FMN2: variants seen among roughly 807,000 people sequenced by gnomAD.
FMN2 encodes formin 2, also known as formin-2.
A neutral mutation model predicts 142.3 loss-of-function variants in FMN2; 51 were observed. The ratio of observed to expected loss-of-function variants is 0.36; its 90% confidence interval spans 0.29 to 0.45. FMN2 has a LOEUF of 0.45. FMN2 is among the 20% of genes least tolerant of loss of function. The pLI, the probability that FMN2 is intolerant of heterozygous loss-of-function variation, is 1.00. For synonymous variants in FMN2, 882 were observed against 869.8 expected, an observed-to-expected ratio of 1.01 and a Z score of -0.25; for missense variants, 1,936 against 2,122.8, an observed-to-expected ratio of 0.91 and a Z score of 1.73.
At chr1:240,406,291 T>G (rs1572274395) in intron 15 of FMN2, among the ~76,000 whole-genome samples, 2 of 37,688 alleles carry the variant, frequency 5.3e-5, no homozygotes, top group Non-Finnish European at 5.2e-5. Flanking sequence ...GCCTCGGGAG[T>G]GGGGGGAGCG....
Position 240,091,994 on chromosome 1 carries a change from T to G in FMN2, c.-116T>G, listed in dbSNP as rs1660986768. ...CGCGTCGGCCTCCCCTCCCAGCGGC[T>G]CCCCCCGCCGCCGCCTGACTCTCCC... On this transcript the variant is annotated 5_prime_UTR_variant, in exon 1 of 18. Coordinates refer to ENST00000319653, the MANE Select transcript of FMN2 (RefSeq NM_020066.5). 1.5e-6 allele frequency: 2 copies of G among 1,373,006 alleles called. No homozygotes were observed. The highest frequency in any genetic ancestry group is 3.1e-5 in the African/African-American group (2 of 64,696). 85.1% of individuals were successfully genotyped at this position (1,373,006 alleles called of 1,614,324 possible). A position where few individuals can be genotyped will look rare whatever the true frequency, so the allele number is the denominator to read the frequency against.
Position 240,207,350 on chromosome 1 carries a change from C to G in FMN2, c.2538C>G (p.Ser846=). Residue 846 remains serine (S), a synonymous_variant, in exon 5 of 18, where the codon TCC becomes TCG. Transcript: ENST00000319653. ...EFQTSHEHSV[S]SAFKNSCNIP... ...AAACCAGCCACGAACACTCTGTTTCCTCTGCCTTTAAAAACAGCTGTAACA... is the reference window on the plus strand; with the variant it reads ...AAACCAGCCACGAACACTCTGTTTCGTCTGCCTTTAAAAACAGCTGTAACA... 1.2e-6 allele frequency: 2 copies of G among 1,613,766 alleles called. No homozygotes were observed. The highest frequency in any genetic ancestry group is 1.7e-6 in the Non-Finnish European group (2 of 1,179,804).
Position 240,091,975 on chromosome 1 carries a change from G to C in FMN2, c.-135G>C, listed in dbSNP as rs551571374. On this transcript the variant is annotated 5_prime_UTR_variant, in exon 1 of 18. Coordinates refer to ENST00000319653, the MANE Select transcript of FMN2 (RefSeq NM_020066.5). The stretch of plus-strand genomic sequence containing the variant: ...GAGCGGGGCCAGCCGGGCGCGCGTC[G>C]GCCTCCCCTCCCAGCGGCTCCCCCC... 1.1e-3 allele frequency: 1,533 copies of C among 1,351,724 alleles called. 9 individuals carry two copies. Among genetic ancestry groups the C allele is most frequent in the South Asian group, 5.3e-3 (292 of 54,962 alleles). 83.7% of individuals were successfully genotyped at this position (1,351,724 alleles called of 1,614,324 possible).
At chr1:240,236,963 C>T (rs901342219) in intron 6 of FMN2, among the ~76,000 whole-genome samples, 1 of 152,090 alleles carries the variant, frequency 6.6e-6, no homozygotes, top group African/African-American at 2.4e-5. Context: ...TATGGAAGTG[C>T]CTTTACAAAG....
intron 1 of FMN2, among the ~76,000 whole-genome samples, chr1:240,101,745 C>A (rs1661424330): frequency 1.3e-5 from 2 of 149,696 alleles, no homozygotes; most frequent in South Asian, 4.3e-4. Flanking sequence ...CAGGGTCTCA[C>A]TATGTTACCC....
At chr1:240,193,294 T>C (rs956865095) in intron 4 of FMN2, among the ~76,000 whole-genome samples, 13 of 152,154 alleles carry the variant, frequency 8.5e-5, no homozygotes, top group Admixed American at 7.2e-4. Flanking sequence ...GTGGTAGATA[T>C]TGAAGGAAAT....
Position 240,258,084 on chromosome 1 carries a change from G to A in FMN2, c.4153+52G>A, listed in dbSNP as rs930464219. 2.9e-5 allele frequency: 38 copies of A among 1,332,502 alleles called. No homozygotes were observed. The South Asian group carries it at 4.5e-4, about 16-fold the overall frequency. The allele number at this position is 1,332,502 out of a possible 1,614,324, so 82.5% of individuals were successfully genotyped here. On this transcript the variant is annotated intron_variant, in intron 7 of 17. Transcript: ENST00000319653. ...TCTGAATATTAAAATTTGGGCTGAG[G>A]GATATGATGTTTGTTGGTAATGTTA...
chr1:240,367,767 C>CA (rs60368715), intron 14 of FMN2, among the ~76,000 whole-genome samples: 1,845 of 53,200 alleles, frequency 0.035, 64 homozygotes, highest in Non-Finnish European at 0.044. Flanking sequence ...GACTCAGTCT[C>CA]AAAAAAAAAA....
intron 5 of FMN2, 134 bp downstream of exon 5, chr1:240,208,866 A>C (rs771169591): frequency 1.2e-4 from 142 of 1,152,854 alleles, no homozygotes; most frequent in Non-Finnish European, 1.7e-4. Context: ...TTTTACATCA[A>C]TATATAGTGC....
chr1:240,139,840 G>T (rs1360563688), intron 2 of FMN2, among the ~76,000 whole-genome samples: 3 of 152,146 alleles, frequency 2.0e-5, no homozygotes, highest in Non-Finnish European at 4.4e-5. Flanking sequence ...GTATCGGAAG[G>T]TTAGTGAGGG....
chr1:240,331,229 T>C (rs1214247624), intron 11 of FMN2, among the ~76,000 whole-genome samples: 1 of 152,132 alleles, frequency 6.6e-6, no homozygotes, highest in East Asian at 1.9e-4. Flanking sequence ...AAAAGGTGAT[T>C]CTACTCTGCT....
At chr1:240,405,972 C>T (rs1055902275) in intron 15 of FMN2, among the ~76,000 whole-genome samples, 7 of 151,702 alleles carry the variant, frequency 4.6e-5, no homozygotes, top group Non-Finnish European at 8.8e-5. Context: ...AGGGAAGCAG[C>T]CTCAGGAGTG....
intron 8 of FMN2, among the ~76,000 whole-genome samples, chr1:240,313,968 T>G (rs115604069): frequency 0.14 from 21,225 of 152,010 alleles, 1,883 homozygotes; most frequent in African/African-American, 0.24. Context: ...AGAGCAAGAC[T>G]CTGTCTCAGA....
At chr1:240,363,143 A>G (rs954406516) in intron 14 of FMN2, among the ~76,000 whole-genome samples, 3 of 152,340 alleles carry the variant, frequency 2.0e-5, no homozygotes, top group Middle Eastern at 6.8e-3. Context: ...GTAGAAGAGA[A>G]TATCTTTCTC....
At chr1:240,374,877 G>A (rs892468731) in intron 14 of FMN2, among the ~76,000 whole-genome samples, 1 of 152,146 alleles carries the variant, frequency 6.6e-6, no homozygotes, top group Non-Finnish European at 1.5e-5. Context: ...ACATGCCTAA[G>A]TCACTAAGCT....
At chr1:240,313,540 T>C (rs1330221982) in intron 8 of FMN2, among the ~76,000 whole-genome samples, 1 of 152,186 alleles carries the variant, frequency 6.6e-6, no homozygotes, top group Non-Finnish European at 1.5e-5. Context: ...AATGAGATTT[T>C]CCAAAATAGT....
chr1:240,126,371 C>CG (rs1009887142), intron 2 of FMN2, among the ~76,000 whole-genome samples: 2 of 151,384 alleles, frequency 1.3e-5, no homozygotes, highest in African/African-American at 2.4e-5. Context: ...CCTACCCCCC[C>CG]CCACTTTGTT....
intron 1 of FMN2, among the ~76,000 whole-genome samples, chr1:240,113,137 A>G (rs527539148): frequency 1.1e-3 from 162 of 152,240 alleles, no homozygotes; most frequent in Non-Finnish European, 2.1e-3. Context: ...TGATTTGACC[A>G]AGGAGTAGAG....
At chr1:240,410,747 C>T (rs966112387) in intron 15 of FMN2, among the ~76,000 whole-genome samples, 3 of 152,118 alleles carry the variant, frequency 2.0e-5, no homozygotes, top group Non-Finnish European at 2.9e-5. Context: ...TTGTTATCGT[C>T]GTGTTTTTAC....
Sources: allele counts gnomAD v4.1 joint callset (sites outside exome capture counted in the v4.1 genomes callset), GRCh38; gene constraint gnomAD v4.1.1; transcripts MANE v1.5; gene names NCBI Gene and HGNC (gene_info 2026-07-23, HGNC 2026-07-21).